RASGRP2: variants seen among roughly 807,000 people sequenced by gnomAD.
RASGRP2 encodes RAS guanyl releasing protein 2.
RASGRP2 carries 44 observed loss-of-function variants against 71.0 expected under a neutral mutation model. That is an observed-to-expected ratio of 0.62 (90% CI 0.49 to 0.80). The LOEUF (loss-of-function observed/expected upper bound fraction) is 0.80. Ranked by LOEUF, RASGRP2 falls within the 30% of genes least tolerant of loss-of-function variation. The pLI is 0.00. For synonymous variants in RASGRP2, 350 were observed against 330.7 expected (o/e 1.06, Z -0.63); for missense variants, 663 against 813.4 (o/e 0.82, Z 2.25).
At position 64,729,755 on chromosome 11, in the gene RASGRP2, A is replaced by C; in HGVS notation, c.1591+7T>G. ...GCCCAGCAGCCCTTCCAGTCATTCCATCTCACCTCGGCATTTGAGGCCCTG... is the reference window on the plus strand; with the variant it reads ...GCCCAGCAGCCCTTCCAGTCATTCCCTCTCACCTCGGCATTTGAGGCCCTG... On this transcript the variant is annotated splice_region_variant and intron_variant, in intron 14 of 16. Transcript: ENST00000394432. 3 of 1,613,856 alleles carry C rather than the reference A, an allele frequency of 1.9e-6. No individual in the cohort carries two copies. The highest frequency in any genetic ancestry group is 2.5e-6 in the Non-Finnish European group (3 of 1,179,886).
chr11:64,732,425 G>C (rs902347137), intron 12 of RASGRP2, among the ~76,000 whole-genome samples: 1 of 152,208 alleles, frequency 6.6e-6, no homozygotes, highest in Non-Finnish European at 1.5e-5. Flanking sequence ...TCGGGAGGCC[G>C]AGGCGGGCGG....
chr11:64,728,993 C>T lies in RASGRP2; in HGVS notation c.1641G>A (p.Glu547=). ...HKQCKDRLSV[E]CRRRAQSVSL... ...TCACACTCTGGGCCCTGCGCCGACA[C>T]TCAACTGACAGGCGATCCTTGCACT... The change falls in exon 15 of 17, where the codon GAG becomes GAA. Residue 547 remains glutamate (E), a synonymous_variant. Transcript: ENST00000394432. 1 of 1,609,050 alleles carries T rather than the reference C, an allele frequency of 6.2e-7. No individual in the cohort carries two copies. Among genetic ancestry groups the T allele is most frequent in the Non-Finnish European group, 8.5e-7 (1 of 1,179,328 alleles).
intron 12 of RASGRP2, among the ~76,000 whole-genome samples, chr11:64,731,381 G>C (rs1414997505): frequency 6.8e-6 from 1 of 148,096 alleles, no homozygotes; most frequent in Non-Finnish European, 1.5e-5. Context: ...AAAAAGAAAA[G>C]ATATAATAAT....
chr11:64,740,978 C>G lies in RASGRP2; in HGVS notation c.341G>C (p.Arg114Pro). The G allele has an allele frequency of 6.2e-7, 1 of 1,613,936 alleles. No individual in the cohort carries two copies. Among genetic ancestry groups the G allele is most frequent in the South Asian group, 1.1e-5 (1 of 91,074 alleles). The stretch of plus-strand genomic sequence containing the variant: ...GTCTATGTCGATTAGGCTGCTGTGC[C>G]GTCGGTTCCCTTCTTGGTCTAGCAG... ...KALLDQEGNRRHSSLIDIDSV... is the reference protein window; with the variant it reads ...KALLDQEGNRPHSSLIDIDSV... The change falls in exon 5 of 17, where the codon CGG (arginine) becomes CCG (proline). Residue 114 changes from arginine (R) to proline (P), a missense_variant. Physicochemically the swap from Arg to Pro is moderately radical, Grantham distance 103. Coordinates refer to ENST00000394432, the MANE Select transcript of RASGRP2 (RefSeq NM_001098671.2).
rs2058102017 is a variant in RASGRP2 at position 64,740,961 on chromosome 11, C to T, written c.358G>A (p.Asp120Asn). ...CCCCCCACGCACACGCTGTCTATGT[C>T]GATTAGGCTGCTGTGCCGTCGGTTC... ...EGNRRHSSLI[D>N]IDSVPTYKWK... Residue 120 changes from aspartate (D) to asparagine (N), a missense_variant, in exon 5 of 17, where the codon GAC becomes AAC. Physicochemically the swap from Asp to Asn is conservative, Grantham distance 23 (BLOSUM62 1). Coordinates refer to ENST00000394432, the MANE Select transcript of RASGRP2 (RefSeq NM_001098671.2). 1.2e-6 allele frequency: 2 copies of T among 1,613,858 alleles called. No individual in the cohort carries two copies. The highest frequency in any genetic ancestry group is 1.7e-6 in the Non-Finnish European group (2 of 1,179,994).
rs754686243 is a variant in RASGRP2, at chr11:64,728,892, C to T, written c.1742G>A (p.Arg581His). 1.3e-5 allele frequency: 21 copies of T among 1,612,572 alleles called. No homozygotes were observed. Among genetic ancestry groups the T allele is most frequent in the South Asian group, 3.3e-5 (3 of 91,058 alleles). The change falls in exon 15 of 17, where the codon CGC (arginine) becomes CAC (histidine). Residue 581 changes from arginine (R) to histidine (H), a missense_variant. Arg to His is a conservative substitution (Grantham distance 29, BLOSUM62 0). Transcript: ENST00000394432. ...AGGCCTGGAGCCTCGCCTGCCAGGG[C>T]GGGGCAGAGAGAAGCTGAAGGCGCG... ...HHRAFSFSLP[R>H]PGRRGSRPPE...
Position 64,735,679 on chromosome 11 carries a change from G to A in RASGRP2, c.1174-15C>T, listed in dbSNP as rs112436682. 55 of 1,604,580 alleles carry A rather than the reference G, an allele frequency of 3.4e-5. No homozygotes were observed. In the African/African-American group the frequency reaches 4.4e-4, roughly 13 times the overall value. ...GGGCTGGTTGGCTATGGAAATGGTC[G>A]GGCCTGAGCTAGGGCCAGAGGCAGG... On this transcript the variant is annotated splice_polypyrimidine_tract_variant and intron_variant, in intron 10 of 16. Coordinates refer to ENST00000394432, the MANE Select transcript of RASGRP2 (RefSeq NM_001098671.2). This position sits in a 1 kb window ranked among gnomAD's most constrained non-coding sequence, Gnocchi z 4.2.
At chr11:64,732,523 G>A (rs2057794599) in intron 12 of RASGRP2, among the ~76,000 whole-genome samples, 1 of 152,226 alleles carries the variant, frequency 6.6e-6, no homozygotes, top group Non-Finnish European at 1.5e-5. Context: ...GCTGGGTGAG[G>A]TGGCTCACGC....
At chr11:64,732,899 G>A (rs1232693009) in intron 12 of RASGRP2, among the ~76,000 whole-genome samples, 4 of 150,604 alleles carry the variant, frequency 2.7e-5, no homozygotes, top group South Asian at 2.1e-4. Flanking sequence ...GCAGTGAGCC[G>A]AGATCACACC....
intron 14 of RASGRP2, 96 bp from the exon 15 acceptor site, chr11:64,729,138 T>C (rs1389167291): frequency 3.1e-6 from 4 of 1,284,688 alleles, no homozygotes; most frequent in East Asian, 2.5e-5. Flanking sequence ...GGAACCTTTG[T>C]TCCTGAGCAG....
intron 15 of RASGRP2, 117 bp from the exon 16 acceptor site, chr11:64,727,477 A>C: frequency 1.1e-6 from 1 of 884,004 alleles, no homozygotes; most frequent in Non-Finnish European, 1.8e-6. Flanking sequence ...CCCACCAAAA[A>C]TCAATTCCCT....
intron 12 of RASGRP2, among the ~76,000 whole-genome samples, chr11:64,732,004 T>A (rs560014933): frequency 1.1e-4 from 17 of 152,274 alleles, no homozygotes; most frequent in African/African-American, 4.1e-4. Flanking sequence ...TGGCATAGAA[T>A]CATACTGAAA....
chr11:64,744,152 C>G (rs1276570685), upstream of RASGRP2: 6 of 986,810 alleles, frequency 6.1e-6, no homozygotes, highest in Non-Finnish European at 7.2e-6. Flanking sequence ...TGCCTCTCCA[C>G]GCATGTACAC....
chr11:64,742,177 C>T lies in RASGRP2; in HGVS notation c.74-65G>A. The stretch of plus-strand genomic sequence containing the variant: ...CCGCAGCTACCATGCCTCATCCTCA[C>T]CCCGCAACCCGCCAGGTATCGGTCC... On this transcript the variant is annotated intron_variant, in intron 2 of 16. Transcript: ENST00000394432. The surrounding 1 kb of genome is among the most constrained non-coding windows in gnomAD (Gnocchi z 4.7). 1 of 1,264,660 alleles carries T rather than the reference C, an allele frequency of 7.9e-7. No homozygotes were observed. The highest frequency in any genetic ancestry group is 1.1e-6 in the Non-Finnish European group (1 of 886,312). 78.3% of individuals were successfully genotyped at this position (1,264,660 alleles called of 1,614,324 possible). A position where few individuals can be genotyped will look rare whatever the true frequency, so the allele number is the denominator to read the frequency against.
chr11:64,744,263 C>G (rs973674587), upstream of RASGRP2: 2 of 985,548 alleles, frequency 2.0e-6, no homozygotes, highest in Non-Finnish European at 2.4e-6. Context: ...AGCTCCCTGA[C>G]TCCCCTCACT....
At chr11:64,728,537 C>T (rs980063607) in intron 15 of RASGRP2, among the ~76,000 whole-genome samples, 1 of 152,110 alleles carries the variant, frequency 6.6e-6, no homozygotes, top group Non-Finnish European at 1.5e-5. Flanking sequence ...ATGCCATTCT[C>T]CTGCCTCAGC....
At chr11:64,730,284 C>A in intron 12 of RASGRP2, 90 bp from the exon 13 acceptor site, 1 of 1,494,288 alleles carries the variant, frequency 6.7e-7, no homozygotes, top group Non-Finnish European at 9.1e-7. Flanking sequence ...CCAGTGTCCT[C>A]ATGGAACTCC....
chr11:64,744,884 C>T, upstream of RASGRP2: 1 of 145,620 alleles, frequency 6.9e-6, no homozygotes, highest in East Asian at 2.0e-4. Flanking sequence ...CCCCCGCCCC[C>T]GCGCCAGGCT....
In RASGRP2 at chr11:64,735,091, C is replaced by T; in HGVS notation, c.1412+21G>A. On this transcript the variant is annotated intron_variant, in intron 12 of 16. Transcript: ENST00000394432. The surrounding 1 kb of genome is among the most constrained non-coding windows in gnomAD (Gnocchi z 4.2). Reference sequence around the variant, plus strand: ...GGGCTGAGTTGCCTTCCCTCTCCCCCAGGTCCCCAGCCCTCCTCACTGGTT... The same window carrying T: ...GGGCTGAGTTGCCTTCCCTCTCCCCTAGGTCCCCAGCCCTCCTCACTGGTT... 1 of 1,584,324 alleles carries T rather than the reference C, an allele frequency of 6.3e-7. No homozygotes were observed. Among genetic ancestry groups the T allele is most frequent in the Non-Finnish European group, 8.7e-7 (1 of 1,152,844 alleles).
Sources: gnomAD v4.1 joint callset for allele counts (sites outside exome capture counted in the v4.1 genomes callset) on GRCh38, gnomAD v4.1.1 for gene constraint, Gnocchi (gnomAD v3.1) non-coding constraint, MANE v1.5 for transcripts, NCBI Gene and HGNC (gene_info 2026-07-23, HGNC 2026-07-21) for gene names.